Variants in TESC observed in about 807,000 individuals in gnomAD.
The protein encoded by TESC is calcineurin B homologous protein 3.
A neutral mutation model predicts 31.0 loss-of-function variants in TESC; 19 were observed. The ratio of observed to expected loss-of-function variants is 0.61; its 90% CI spans 0.43 to 0.90. TESC has a LOEUF of 0.90. TESC is among the 40% of genes least tolerant of loss of function. The pLI is 0.00. For synonymous variants in TESC, 109 were observed against 114.8 expected (o/e 0.95, Z 0.32); for missense variants, 248 against 303.8 (o/e 0.82, Z 1.36).
At chr12:117,094,873 G>A (rs56095597) in intron 1 of TESC, among the ~76,000 whole-genome samples, 22,736 of 151,396 alleles carry the variant, frequency 0.15, 1,833 homozygotes, top group Middle Eastern at 0.21. Context: ...AAAATTAGCC[G>A]AGCATGGTGG....
intron 4 of TESC, among the ~76,000 whole-genome samples, chr12:117,047,869 T>C (rs1475435489): frequency 1.3e-5 from 2 of 152,116 alleles, no homozygotes; most frequent in Middle Eastern, 3.4e-3. Context: ...GTCTCCCGAG[T>C]ACCAGGGACC....
chr12:117,064,003 C>T (rs1954836250), intron 2 of TESC, among the ~76,000 whole-genome samples: 1 of 152,192 alleles, frequency 6.6e-6, no homozygotes, highest in South Asian at 2.1e-4. Context: ...TGGCTCACTG[C>T]AGCCTTGAAC....
rs141732488 is a variant in TESC, at chr12:117,067,409, T to A, written c.128+7862A>T. Reference sequence around the variant, plus strand: ...CAAGACTCGCATCTCTACAAAAAAATTTTTTTTTAATTAGCTGGATGTGGT... The same window carrying A: ...CAAGACTCGCATCTCTACAAAAAAAATTTTTTTTAATTAGCTGGATGTGGT... On this transcript the variant is annotated intron_variant, in intron 2 of 7. Transcript: ENST00000335209. 5.0e-3 allele frequency among the ~76,000 whole-genome samples: 765 copies of A among 151,518 alleles called. 18 individuals are homozygous for A. Among genetic ancestry groups the A allele is most frequent in the Admixed American group, 3.1e-3 (47 of 15,224 alleles).
At chr12:117,069,837 A>T (rs1954940107) in intron 2 of TESC, among the ~76,000 whole-genome samples, 1 of 152,208 alleles carries the variant, frequency 6.6e-6, no homozygotes, top group Non-Finnish European at 1.5e-5. Flanking sequence ...TACAAATCTT[A>T]TTCATCTGTA....
At chr12:117,089,570 T>C (rs1366073333) in intron 1 of TESC, among the ~76,000 whole-genome samples, 2 of 152,204 alleles carry the variant, frequency 1.3e-5, no homozygotes, top group East Asian at 1.9e-4. Context: ...AGAGGTGAAT[T>C]TGAAAACTAT....
chr12:117,075,907 A>ATG lies in TESC; in HGVS notation c.59-568_59-567insCA, dbSNP rs1339057864. Among the ~76,000 whole-genome samples, 476 of 65,120 alleles carry ATG rather than the reference A, an allele frequency of 7.3e-3. 22 individuals carry two copies. The highest frequency in any genetic ancestry group is 0.026 in the African/African-American group (242 of 9,482). 42.7% of individuals were successfully genotyped at this position (65,120 alleles called of 152,430 possible). A position where few individuals can be genotyped will look rare whatever the true frequency, so the allele number is the denominator to read the frequency against. ...TATATATATATATATATATATATAT[A>ATG]TATATATGTGTGTGTGTATATATAT... On this transcript the variant is annotated intron_variant, in intron 1 of 7. Transcript: ENST00000335209.
In TESC at chr12:117,042,014, G is replaced by C; in HGVS notation, c.520-20C>G. The C allele has an allele frequency of 6.3e-7, 1 of 1,588,250 alleles. No homozygotes were observed. Among genetic ancestry groups the C allele is most frequent in the Non-Finnish European group, 8.6e-7 (1 of 1,166,804 alleles). ...AGGCTCCTGGGGACGGAAGCACAGG[G>C]TGGACAGTGAGTGGCGCAGGTCCCC... On this transcript the variant is annotated intron_variant, in intron 6 of 7. Transcript: ENST00000335209.
intron 1 of TESC, among the ~76,000 whole-genome samples, chr12:117,091,947 C>T (rs1028118149): frequency 6.6e-6 from 1 of 152,172 alleles, no homozygotes; most frequent in African/African-American, 2.4e-5. Flanking sequence ...TCTCGGCATG[C>T]GGGAGAGGCG....
intron 1 of TESC, among the ~76,000 whole-genome samples, chr12:117,090,037 CG>C (rs1178070121): frequency 6.6e-6 from 1 of 151,620 alleles, no homozygotes; most frequent in East Asian, 1.9e-4. Context: ...AGACCAAAAA[CG>C]AATCGCTGAA....
At chr12:117,040,214 G>A (rs1954461782) in intron 7 of TESC, among the ~76,000 whole-genome samples, 4 of 152,218 alleles carry the variant, frequency 2.6e-5, no homozygotes, top group Admixed American at 2.6e-4. Flanking sequence ...GGGTGTCATG[G>A]GGTGTGCAAA....
intron 1 of TESC, among the ~76,000 whole-genome samples, chr12:117,075,938 TATGTATATATAC>T (rs1955065981): frequency 2.1e-5 from 2 of 94,362 alleles, no homozygotes; most frequent in African/African-American, 9.9e-5. Flanking sequence ...TATATATATA[TATGTATATATAC>T]ATATATATAT....
rs555146529 is a variant in TESC at position 117,044,392 on chromosome 12, G to A, written c.519+2167C>T. On this transcript the variant is annotated intron_variant, in intron 6 of 7. Coordinates refer to ENST00000335209, the MANE Select transcript of TESC (RefSeq NM_017899.4). Reference sequence around the variant, plus strand: ...CTTCCCACTCACGGGCACAGTGGCTGCCCTCCCTGCCGGGCCTCCCTAGGT... The same window carrying A: ...CTTCCCACTCACGGGCACAGTGGCTACCCTCCCTGCCGGGCCTCCCTAGGT... Among the ~76,000 whole-genome samples, 150 of 152,304 alleles carry A rather than the reference G, an allele frequency of 9.8e-4. 1 individual carries two copies. The highest frequency in any genetic ancestry group is 1.4e-3 in the East Asian group (7 of 5,174).
At chr12:117,080,749 GC>G (rs903702973) in intron 1 of TESC, among the ~76,000 whole-genome samples, 1 of 151,948 alleles carries the variant, frequency 6.6e-6, no homozygotes, top group African/African-American at 2.4e-5. Flanking sequence ...TCCTAACTGC[GC>G]CCCCCCAACC....
At chr12:117,042,087 A>C in intron 6 of TESC, 93 bp from the exon 7 acceptor site, 1 of 1,281,404 alleles carries the variant, frequency 7.8e-7, no homozygotes, top group Non-Finnish European at 1.1e-6. Flanking sequence ...CTCCCCACCA[A>C]TACCCAAATG....
intron 6 of TESC, among the ~76,000 whole-genome samples, chr12:117,042,383 C>T (rs2135744276): frequency 6.6e-6 from 1 of 152,288 alleles, no homozygotes; most frequent in African/African-American, 2.4e-5. Context: ...CCCCCAGCAG[C>T]TGGACCACCA....
intron 1 of TESC, among the ~76,000 whole-genome samples, chr12:117,076,117 T>TAATTTTTATACGTTTAGC: frequency 6.8e-6 from 1 of 146,262 alleles, no homozygotes; most frequent in East Asian, 2.1e-4. Context: ...ACGCCCAGCC[T>TAATTTTTATACGTTTAGC]AGAGAAAACT....
Position 117,071,789 on chromosome 12 carries a change from C to T in TESC, c.128+3482G>A, listed in dbSNP as rs952254510. On this transcript the variant is annotated intron_variant, in intron 2 of 7. Coordinates refer to ENST00000335209, the MANE Select transcript of TESC (RefSeq NM_017899.4). ...AGGTGAGGCCTGGGAGGTAGGAGTC[C>T]GGCGCCATCAGCACAGAGAGGCCGC... 2.6e-5 allele frequency among the ~76,000 whole-genome samples: 4 copies of T among 152,194 alleles called. No homozygotes were observed. The South Asian group carries it at 6.2e-4, about 24-fold the overall frequency.
intron 1 of TESC, chr12:117,084,232 A>C (rs1955186816): frequency 6.6e-6 from 1 of 152,238 alleles, no homozygotes; most frequent in Non-Finnish European, 1.5e-5. Context: ...AAACTGTTTA[A>C]CCTTGGGGAT....
chr12:117,053,689 G>A (rs144065922), intron 3 of TESC, among the ~76,000 whole-genome samples: 50 of 152,140 alleles, frequency 3.3e-4, no homozygotes, highest in African/African-American at 1.1e-3. Flanking sequence ...AACAAGCCTC[G>A]TGCCTACACA....
Sources: allele counts gnomAD v4.1 joint callset (sites outside exome capture counted in the v4.1 genomes callset), GRCh38; gene constraint gnomAD v4.1.1; transcripts MANE v1.5; gene names NCBI Gene and HGNC (gene_info 2026-07-23, HGNC 2026-07-21).